Variants in CPXM2 observed in about 807,000 individuals in gnomAD.
CPXM2 encodes carboxypeptidase X, M14 family member 2.
In CPXM2, 66 loss-of-function variants were observed where a neutral mutation model predicts 86.1. The ratio of observed to expected loss-of-function variants is 0.77; its 90% CI spans 0.63 to 0.94. The LOEUF (loss-of-function observed/expected upper bound fraction) is 0.94, where lower values mean the gene tolerates loss of function less well. Among genes scored for constraint, CPXM2 ranks in the 40% least tolerant of loss-of-function variants. The probability of loss-of-function intolerance (pLI) is 0.00; values close to 1 mark genes in which losing one functional copy is unlikely to be tolerated. For missense variants in CPXM2, 948 were observed against 1,026.3 expected (o/e 0.92, Z 1.04); for synonymous variants, 388 against 400.2 (o/e 0.97, Z 0.36).
chr10:123,802,243 AG>A, intron 4 of CPXM2, among the ~76,000 whole-genome samples: 1 of 152,326 alleles, frequency 6.6e-6, no homozygotes, highest in Admixed American at 6.5e-5. Flanking sequence ...AAGACCAATT[AG>A]AAAGTATCCT....
Position 123,746,768 on chromosome 10 carries a change from C to A in CPXM2, c.2267G>T (p.Gly756Val), listed in dbSNP as rs2133959887. The A allele has an allele frequency of 6.2e-7, 1 of 1,614,066 alleles. No individual in the cohort carries two copies. Among genetic ancestry groups the A allele is most frequent in the Non-Finnish European group, 8.5e-7 (1 of 1,179,994 alleles). The change falls in exon 14 of 14, where the codon GGG becomes GTG. Residue 756 changes from glycine (G) to valine (V), a missense_variant. Physicochemically the swap from Gly to Val is moderately radical, Grantham distance 109. Coordinates refer to ENST00000241305, the MANE Select transcript of CPXM2 (RefSeq NM_198148.3). ...AGTCTCAAGGGCCCAGGAGGGTCAC[C>A]CACGCTGTCGTCTCTTCTGCCCCCG... ...KLRGQKRRQRG is the reference protein window; with the variant it reads ...KLRGQKRRQRV
intron 2 of CPXM2, 66 bp downstream of exon 2, chr10:123,880,145 T>TGGGCC: frequency 2.5e-6 from 1 of 407,580 alleles, no homozygotes; most frequent in East Asian, 4.9e-5. Flanking sequence ...CAGGGGCCTG[T>TGGGCC]ACCCACCCAC....
chr10:123,822,254 C>A (rs1847941090), intron 4 of CPXM2, among the ~76,000 whole-genome samples: 1 of 152,214 alleles, frequency 6.6e-6, no homozygotes, highest in Non-Finnish European at 1.5e-5. Context: ...CAAAACTTTT[C>A]TTTATAGACA....
intron 2 of CPXM2, among the ~76,000 whole-genome samples, chr10:123,931,091 G>A (rs920260405): frequency 6.6e-6 from 1 of 152,186 alleles, no homozygotes; most frequent in South Asian, 2.1e-4. Flanking sequence ...GTCAAGGGGG[G>A]TCTAGAAAAC....
At chr10:123,771,195 C>T (rs7921333) in intron 7 of CPXM2, among the ~76,000 whole-genome samples, 156 bp from the exon 8 acceptor site, 18 of 152,308 alleles carry the variant, frequency 1.2e-4, no homozygotes, top group African/African-American at 4.3e-4. Flanking sequence ...CTGCCCAGAA[C>T]ACTCTCCTTA....
chr10:123,772,564 T>C (rs1430047558), intron 7 of CPXM2, among the ~76,000 whole-genome samples: 7 of 150,700 alleles, frequency 4.6e-5, no homozygotes, highest in Non-Finnish European at 1.0e-4. Context: ...TGGTTATCAC[T>C]TCCCTTACTG....
chr10:123,886,641 G>A (rs1158833233), intron 1 of CPXM2, among the ~76,000 whole-genome samples: 3 of 152,106 alleles, frequency 2.0e-5, no homozygotes, highest in Admixed American at 2.0e-4. Flanking sequence ...ACCAGCACAG[G>A]AAGAAAGTTA....
At chr10:123,940,160 T>G (rs1945761158) in exon 1 of CPXM2, 1 of 152,304 alleles carries the variant, frequency 6.6e-6, no homozygotes. Flanking sequence ...CTGGGAGGCC[T>G]CAGTCCTGCC....
chr10:123,891,634 G>C lies in CPXM2; in HGVS notation c.26C>G (p.Pro9Arg). 3.4e-6 allele frequency: 5 copies of C among 1,460,580 alleles called. No individual in the cohort carries two copies. The highest frequency in any genetic ancestry group is 4.5e-6 in the Non-Finnish European group (5 of 1,105,824). 90.5% of individuals were successfully genotyped at this position (1,460,580 alleles called of 1,614,324 possible). The change falls in exon 1 of 14, where the codon CCA becomes CGA. Residue 9 changes from proline (P) to arginine (R), a missense_variant. Transcript: ENST00000241305. This position sits in a 1 kb window ranked among gnomAD's most constrained non-coding sequence, Gnocchi z 5.6. MSRPGTAT[P>R]ALALVLLAVT... ...TGCCAGGAGCACCAGGGCCAGCGCT[G>C]GGGTAGCGGTCCCCGGGCGGGACAT...
intron 3 of CPXM2, among the ~76,000 whole-genome samples, chr10:123,854,184 AG>A (rs1848657518): frequency 6.6e-6 from 1 of 150,484 alleles, no homozygotes; most frequent in African/African-American, 2.4e-5. Context: ...ACGCACACAC[AG>A]GCTCCGGGGG....
At chr10:123,753,966 A>G (rs528296331) in intron 13 of CPXM2, among the ~76,000 whole-genome samples, 1 of 152,330 alleles carries the variant, frequency 6.6e-6, no homozygotes, top group African/African-American at 2.4e-5. Flanking sequence ...CAGCATCAAG[A>G]AAATACAATT....
chr10:123,803,829 T>G, intron 4 of CPXM2, among the ~76,000 whole-genome samples: 1 of 151,912 alleles, frequency 6.6e-6, no homozygotes, highest in East Asian at 1.9e-4. Context: ...GCCCAGCTAA[T>G]TTTTTGTATT....
chr10:123,758,490 G>A (rs1261834725), intron 11 of CPXM2, among the ~76,000 whole-genome samples: 4 of 151,982 alleles, frequency 2.6e-5, no homozygotes, highest in Non-Finnish European at 4.4e-5. Flanking sequence ...TGATCTTAAG[G>A]CCCATCCAGG....
chr10:123,864,796 C>T (rs1036802813), intron 2 of CPXM2, among the ~76,000 whole-genome samples: 2 of 152,132 alleles, frequency 1.3e-5, no homozygotes, highest in African/African-American at 4.8e-5. Context: ...CTCCTATGCA[C>T]GTGAGTATTT....
intron 2 of CPXM2, among the ~76,000 whole-genome samples, chr10:123,932,946 C>A (rs974604445): frequency 2.0e-5 from 3 of 152,196 alleles, no homozygotes; most frequent in African/African-American, 7.2e-5. Flanking sequence ...AACTGGGTCT[C>A]CTGGAGCACA....
intron 2 of CPXM2, among the ~76,000 whole-genome samples, chr10:123,925,095 A>G (rs1248540704): frequency 1.5e-5 from 2 of 135,796 alleles, no homozygotes; most frequent in Non-Finnish European, 3.1e-5. Context: ...TAAGTCATAA[A>G]TTATTTTCAA....
intron 2 of CPXM2, among the ~76,000 whole-genome samples, chr10:123,926,451 T>C (rs1945622623): frequency 6.6e-6 from 1 of 152,206 alleles, no homozygotes; most frequent in South Asian, 2.1e-4. Flanking sequence ...TGAACTGAAC[T>C]CGCCTGACAA....
chr10:123,890,699 A>G (rs1945251925), intron 1 of CPXM2, among the ~76,000 whole-genome samples: 2 of 152,178 alleles, frequency 1.3e-5, no homozygotes, highest in South Asian at 4.1e-4. Context: ...GAAACTGAAG[A>G]TGGATTTGAG....
chr10:123,792,730 T>C (rs1265259680), intron 6 of CPXM2, among the ~76,000 whole-genome samples: 2 of 152,246 alleles, frequency 1.3e-5, no homozygotes, highest in Non-Finnish European at 2.9e-5. Context: ...TTGCCCAGGC[T>C]GCCCCTTTGT....
Sources: gnomAD v4.1 joint callset for allele counts (sites outside exome capture counted in the v4.1 genomes callset) on GRCh38, gnomAD v4.1.1 for gene constraint, Gnocchi (gnomAD v3.1) non-coding constraint, MANE v1.5 for transcripts, NCBI Gene and HGNC (gene_info 2026-07-23, HGNC 2026-07-21) for gene names.